The following PCDH15 variants were observed in gnomAD, a reference collection of about 807,000 sequenced individuals.
PCDH15 encodes protocadherin related 15.
A neutral mutation model predicts 178.5 loss-of-function variants in PCDH15; 129 were observed. That is an observed-to-expected ratio of 0.72 (90% CI 0.63 to 0.84). The LOEUF is 0.84. Ranked by LOEUF, PCDH15 falls within the 40% of genes least tolerant of loss-of-function variation. The pLI is 0.00. For synonymous variants in PCDH15, 800 were observed against 732.0 expected (o/e 1.09, Z -1.50); for missense variants, 2,230 against 2,099.9 (o/e 1.06, Z -1.21).
intron 1 of PCDH15, among the ~76,000 whole-genome samples, chr10:54,693,787 G>C (rs926161506): frequency 1.3e-5 from 2 of 152,102 alleles, no homozygotes; most frequent in African/African-American, 4.8e-5. Flanking sequence ...AGAAGTTAAT[G>C]CTACAATAAT....
At chr10:54,575,708 G>T (rs574339311) in intron 2 of PCDH15, among the ~76,000 whole-genome samples, 1 of 152,120 alleles carries the variant, frequency 6.6e-6, no homozygotes, top group East Asian at 1.9e-4. Flanking sequence ...GCAAAGAAAA[G>T]AAATATCAGA....
At chr10:54,283,792 G>A (rs1211656935) in intron 8 of PCDH15, among the ~76,000 whole-genome samples, 8 of 152,076 alleles carry the variant, frequency 5.3e-5, no homozygotes, top group African/African-American at 1.7e-4. Flanking sequence ...CTGGAAGGAT[G>A]CACAGGTTCA....
intron 2 of PCDH15, among the ~76,000 whole-genome samples, chr10:55,512,037 T>C (rs1324865157): frequency 1.3e-5 from 2 of 152,002 alleles, no homozygotes; most frequent in Non-Finnish European, 2.9e-5. Flanking sequence ...GAAAAACATT[T>C]TGATAAGTGT....
At chr10:55,006,804 A>G (rs1839938296) in intron 2 of PCDH15, among the ~76,000 whole-genome samples, 1 of 152,162 alleles carries the variant, frequency 6.6e-6, no homozygotes, top group African/African-American at 2.4e-5. Context: ...GTTGAGTTTC[A>G]AATTTCCGTA....
intron 24 of PCDH15, among the ~76,000 whole-genome samples, chr10:53,940,124 T>C (rs941331146): frequency 6.6e-6 from 1 of 152,256 alleles, no homozygotes; most frequent in African/African-American, 2.4e-5. Flanking sequence ...TAATATTTAC[T>C]ATTGATTAAC....
At chr10:54,686,041 AT>A (rs66539612) in intron 1 of PCDH15, among the ~76,000 whole-genome samples, 1,608 of 126,872 alleles carry the variant, frequency 0.013, 25 homozygotes, top group African/African-American at 0.039. Flanking sequence ...AAGACAGCCA[AT>A]TTTTTTTTTT....
intron 21 of PCDH15, among the ~76,000 whole-genome samples, chr10:53,971,605 T>G (rs1262074394): frequency 6.6e-6 from 1 of 152,102 alleles, no homozygotes; most frequent in Non-Finnish European, 1.5e-5. Context: ...GGATACAAAA[T>G]AAATGTGCAA....
At position 53,938,674 on chromosome 10, in the gene PCDH15, C is replaced by T. The variant is rs544553573; in HGVS notation, c.3373+141G>A. The T allele has an allele frequency of 1.1e-4, 95 of 886,168 alleles. 1 individual carries two copies. The highest frequency in any genetic ancestry group is 4.3e-4 in the South Asian group (27 of 62,742). 54.9% of individuals were successfully genotyped at this position (886,168 alleles called of 1,614,324 possible). ...CCTTGTCATATATTAGCTGTTTAAA[C>T]GAATAGGCAATCATCTCAGAGTATT... On this transcript the variant is annotated intron_variant, in intron 25 of 37. Coordinates refer to ENST00000644397, the MANE Select transcript of PCDH15 (RefSeq NM_001384140.1).
chr10:55,501,279 T>C (rs1208636938), intron 2 of PCDH15, among the ~76,000 whole-genome samples: 1 of 151,722 alleles, frequency 6.6e-6, no homozygotes, highest in Non-Finnish European at 1.5e-5. Context: ...TGAGAACAAC[T>C]TGATTTTGGA....
intron 2 of PCDH15, among the ~76,000 whole-genome samples, chr10:54,548,418 G>A (rs1376477492): frequency 6.8e-6 from 1 of 147,752 alleles, no homozygotes; most frequent in Non-Finnish European, 1.5e-5. Flanking sequence ...TTCCACATGA[G>A]AAATAAATTA....
At chr10:55,155,737 A>G (rs1188004623) in intron 2 of PCDH15, among the ~76,000 whole-genome samples, 2 of 152,100 alleles carry the variant, frequency 1.3e-5, no homozygotes, top group East Asian at 3.9e-4. Context: ...CAAGGATGCC[A>G]GAAGTACTCA....
At chr10:54,438,182 T>C (rs1384639889) in intron 3 of PCDH15, among the ~76,000 whole-genome samples, 1 of 151,866 alleles carries the variant, frequency 6.6e-6, no homozygotes, top group Non-Finnish European at 1.5e-5. Flanking sequence ...TTTATCCAGA[T>C]GTCCTTCTTT....
Position 54,239,441 on chromosome 10 carries a change from A to G in PCDH15, c.877-2510T>C, listed in dbSNP as rs560087523. 7.3e-5 allele frequency among the ~76,000 whole-genome samples: 11 copies of G among 151,412 alleles called. No homozygotes were observed. The East Asian group carries it at 2.1e-3, about 29-fold the overall frequency. ...TATATATATATATATATAGAGTAAG[A>G]ACTGAAGAACTAAAAAGAAACAAGT... On this transcript the variant is annotated intron_variant, in intron 8 of 37. Coordinates refer to ENST00000644397, the MANE Select transcript of PCDH15 (RefSeq NM_001384140.1).
chr10:54,105,313 T>C (rs868059246), intron 15 of PCDH15, among the ~76,000 whole-genome samples: 2,118 of 75,886 alleles, frequency 0.028, 51 homozygotes, highest in African/African-American at 0.1. Context: ...TATATATATA[T>C]ATATACACAC....
intron 2 of PCDH15, among the ~76,000 whole-genome samples, chr10:55,086,047 A>C (rs1158617847): frequency 6.6e-6 from 1 of 151,616 alleles, no homozygotes; most frequent in Non-Finnish European, 1.5e-5. Context: ...AAAAATTGTA[A>C]TTTGGGGATA....
chr10:54,052,154 G>A lies in PCDH15; in HGVS notation c.2220+14603C>T, dbSNP rs376872062. Among the ~76,000 whole-genome samples the A allele has an allele frequency of 9.4e-4, 143 of 152,308 alleles. 2 individuals carry two copies. The South Asian group carries it at 0.023, about 25-fold the overall frequency. ...CGGTAGTGCAGAAAGGAAACATGTGGTCAGAGCCCCCACACAGAGTCCCCA... is the reference window on the plus strand; with the variant it reads ...CGGTAGTGCAGAAAGGAAACATGTGATCAGAGCCCCCACACAGAGTCCCCA... On this transcript the variant is annotated intron_variant, in intron 18 of 37. Coordinates refer to ENST00000644397, the MANE Select transcript of PCDH15 (RefSeq NM_001384140.1).
intron 1 of PCDH15, among the ~76,000 whole-genome samples, chr10:55,222,730 C>CACACACACACACACACACACATAT: frequency 2.5e-5 from 3 of 121,276 alleles, no homozygotes; most frequent in African/African-American, 6.8e-5. Context: ...CACACACACA[C>CACACACACACACACACACACATAT]ATATATATAT....
intron 2 of PCDH15, among the ~76,000 whole-genome samples, chr10:55,351,582 C>A (rs1006649002): frequency 1.3e-5 from 2 of 152,154 alleles, no homozygotes; most frequent in African/African-American, 4.8e-5. Context: ...GTTTCAAATT[C>A]AAACCAAGCC....
At chr10:55,287,005 G>A (rs1432368026) in intron 1 of PCDH15, among the ~76,000 whole-genome samples, 2 of 151,534 alleles carry the variant, frequency 1.3e-5, no homozygotes, top group East Asian at 3.9e-4. Flanking sequence ...CCTAAAATAG[G>A]GCATTCATTT....
Sources: gnomAD v4.1 joint callset for allele counts (sites outside exome capture counted in the v4.1 genomes callset) on GRCh38, gnomAD v4.1.1 for gene constraint, MANE v1.5 for transcripts, NCBI Gene and HGNC (gene_info 2026-07-23, HGNC 2026-07-21) for gene names.